Variants in XNDC1N observed in about 807,000 individuals in gnomAD.
XNDC1N encodes protein XNDC1N.
the XNDC1N span, among the ~76,000 whole-genome samples, chr11:71,877,095 C>T: frequency 3.3e-5 from 5 of 152,352 alleles, no homozygotes; most frequent in Admixed American, 1.3e-4. Context: ...CAAGACCTCC[C>T]CATCCCTGAC....
chr11:71,888,624 A>T, the XNDC1N span, among the ~76,000 whole-genome samples: 2 of 152,136 alleles, frequency 1.3e-5, no homozygotes, highest in Admixed American at 1.3e-4. Flanking sequence ...CAACAACTAG[A>T]CGGGGTTTCT....
chr11:71,926,669 C>T, the XNDC1N span, among the ~76,000 whole-genome samples: 3 of 151,834 alleles, frequency 2.0e-5, no homozygotes, highest in African/African-American at 4.8e-5. Flanking sequence ...GGGAGGTTGA[C>T]GTGGGTGGAT....
the XNDC1N span, among the ~76,000 whole-genome samples, chr11:71,912,071 G>A: frequency 5.0e-3 from 754 of 152,312 alleles, 2 homozygotes; most frequent in Non-Finnish European, 7.6e-3. Context: ...TCGAGGTCAG[G>A]AGTCACTGGA....
the XNDC1N span, among the ~76,000 whole-genome samples, chr11:71,872,608 A>G: frequency 0.19 from 28,552 of 151,784 alleles, 4,906 homozygotes; most frequent in African/African-American, 0.45. Context: ...GGCGCCTGTA[A>G]TCCCAGCTAC....
chr11:71,902,286 G>A, the XNDC1N span, among the ~76,000 whole-genome samples: 1 of 152,328 alleles, frequency 6.6e-6, no homozygotes, highest in South Asian at 2.1e-4. Flanking sequence ...CTGCCTCCCA[G>A]GTTCAAGCCA....
chr11:71,915,732 GAA>G, the XNDC1N span, among the ~76,000 whole-genome samples: 5 of 152,120 alleles, frequency 3.3e-5, no homozygotes, highest in Admixed American at 2.6e-4. Flanking sequence ...GTGCTCAAAG[GAA>G]AAGTCTGATA....
At chr11:71,907,383 C>T in the XNDC1N span, among the ~76,000 whole-genome samples, 1 of 151,652 alleles carries the variant, frequency 6.6e-6, no homozygotes, top group Non-Finnish European at 1.5e-5. Flanking sequence ...AAGAGCCAGC[C>T]CCTCTTGCCC....
the XNDC1N span, among the ~76,000 whole-genome samples, chr11:71,892,709 C>T: frequency 1.3e-4 from 19 of 151,918 alleles, no homozygotes; most frequent in African/African-American, 2.4e-4. Context: ...TCACTGGAGA[C>T]GGGGTTTCAC....
the XNDC1N span, among the ~76,000 whole-genome samples, chr11:71,910,720 C>A: frequency 6.6e-6 from 1 of 152,266 alleles, no homozygotes; most frequent in East Asian, 1.9e-4. Context: ...AGCCCGGGGT[C>A]AGAACGAAAG....
chr11:71,901,676 C>T, the XNDC1N span, among the ~76,000 whole-genome samples: 5 of 152,018 alleles, frequency 3.3e-5, no homozygotes, highest in South Asian at 6.2e-4. Context: ...GTATAGTACC[C>T]GGGACTTCGA....
chr11:71,892,533 G>A, the XNDC1N span, among the ~76,000 whole-genome samples: 1 of 152,096 alleles, frequency 6.6e-6, no homozygotes, highest in African/African-American at 2.4e-5. Flanking sequence ...ATCACAGGGT[G>A]TACGCCCACT....
chr11:71,908,133 G>A, the XNDC1N span, among the ~76,000 whole-genome samples: 30 of 151,904 alleles, frequency 2.0e-4, no homozygotes, highest in Admixed American at 9.2e-4. Flanking sequence ...GTATTAGGGC[G>A]TAATATTAGT....
the XNDC1N span, chr11:71,894,172 T>C: frequency 2.9e-6 from 2 of 699,470 alleles, no homozygotes; most frequent in Non-Finnish European, 4.1e-6. Context: ...AGATGGGAAG[T>C]ATAAAGCCTT....
At chr11:71,914,379 A>G in the XNDC1N span, 2 of 456,070 alleles carry the variant, frequency 4.4e-6, no homozygotes, top group Non-Finnish European at 8.8e-6. Flanking sequence ...TTAACTGCAG[A>G]TGTGACAGAA....
chr11:71,910,600 T>G, the XNDC1N span, among the ~76,000 whole-genome samples: 1 of 152,152 alleles, frequency 6.6e-6, no homozygotes, highest in African/African-American at 2.4e-5. Context: ...ACAGATGCCC[T>G]ACACCGGCAC....
At chr11:71,906,951 A>G in the XNDC1N span, among the ~76,000 whole-genome samples, 61 of 152,256 alleles carry the variant, frequency 4.0e-4, no homozygotes, top group Non-Finnish European at 6.9e-4. Flanking sequence ...ACCCTGTGAC[A>G]TAAGGAGTGA....
At chr11:71,906,125 C>G in the XNDC1N span, among the ~76,000 whole-genome samples, 1 of 151,870 alleles carries the variant, frequency 6.6e-6, no homozygotes, top group African/African-American at 2.4e-5. Flanking sequence ...ACAGAAGGAA[C>G]ACACCTGTGA....
the XNDC1N span, among the ~76,000 whole-genome samples, chr11:71,908,047 T>C: frequency 6.6e-6 from 1 of 152,188 alleles, no homozygotes; most frequent in African/African-American, 2.4e-5. Flanking sequence ...CCTACTGCGA[T>C]ATAGAACGTA....
chr11:71,919,954 T>C, the XNDC1N span, among the ~76,000 whole-genome samples: 1 of 92,614 alleles, frequency 1.1e-5, no homozygotes, highest in African/African-American at 5.2e-5. Flanking sequence ...TTTTTTTTTT[T>C]TTTTTTTTTT....
Sources: allele counts gnomAD v4.1 joint callset (sites outside exome capture counted in the v4.1 genomes callset), GRCh38; gene constraint gnomAD v4.1.1; transcripts MANE v1.5; gene names NCBI Gene and HGNC (gene_info 2026-07-23, HGNC 2026-07-21).